The following HMGA2 variants were observed in gnomAD, a reference collection of about 807,000 sequenced individuals.
HMGA2 encodes high mobility group AT-hook 2.
In HMGA2, 8 loss-of-function variants were observed where a neutral mutation model predicts 19.1. The observed-to-expected ratio is 0.42, with a 90% CI of 0.25 to 0.76. The LOEUF is 0.76. Ranked by LOEUF, HMGA2 falls within the 30% of genes least tolerant of loss-of-function variation. The pLI, the probability that HMGA2 is intolerant of heterozygous loss-of-function variation, is 0.28. For missense variants in HMGA2, 109 were observed against 136.3 expected (o/e 0.80, Z 1.00); for synonymous variants, 60 against 48.8 (o/e 1.23, Z -0.96).
chr12:65,842,516 T>G (rs1264481674), intron 3 of HMGA2: 1 of 1,130,140 alleles, frequency 8.8e-7, no homozygotes. Flanking sequence ...AATATATTTA[T>G]GCTGAATATT....
intron 3 of HMGA2, among the ~76,000 whole-genome samples, chr12:65,875,349 T>C (rs1360088107): frequency 6.6e-6 from 1 of 152,154 alleles, no homozygotes; most frequent in East Asian, 1.9e-4. Context: ...TGACAACTGT[T>C]AGTTTATTAT....
intron 3 of HMGA2, among the ~76,000 whole-genome samples, chr12:65,920,726 G>A (rs756167479): frequency 6.6e-6 from 1 of 152,144 alleles, no homozygotes; most frequent in Non-Finnish European, 1.5e-5. Context: ...TGATTCTGGG[G>A]CCTCCCAAGC....
Position 65,964,498 on chromosome 12 carries a change from T to C in HMGA2, c.*1206T>C, listed in dbSNP as rs1180088710. The stretch of plus-strand genomic sequence containing the variant: ...TCGGCTTGAGTTCACCATCTCTTCA[T>C]TCAAACTGCACTTTTAGCCAGAGAT... On this transcript the variant is annotated 3_prime_UTR_variant, in exon 5 of 5. Transcript: ENST00000403681. 5.0e-5 allele frequency: 11 copies of C among 219,248 alleles called. No individual in the cohort carries two copies. In the East Asian group the frequency reaches 7.4e-4, roughly 15 times the overall value. The allele number at this position is 219,248 out of a possible 1,614,324, so 13.6% of individuals were successfully genotyped here.
rs1872434654 is a variant in HMGA2, at chr12:65,866,743, T to C, written c.249+28174T>C. Reference sequence around the variant, plus strand: ...AAATTTAAGAAGGCAGTTATTAATGTGAATAGTCATTCTTCTTTTCAGCAG... The same window carrying C: ...AAATTTAAGAAGGCAGTTATTAATGCGAATAGTCATTCTTCTTTTCAGCAG... On this transcript the variant is annotated intron_variant, in intron 3 of 4. Coordinates refer to ENST00000403681, the MANE Select transcript of HMGA2 (RefSeq NM_003483.6). 4 of 448,874 alleles carry C rather than the reference T, an allele frequency of 8.9e-6. No individual in the cohort carries two copies. In the Middle Eastern group the frequency reaches 9.8e-4, roughly 110 times the overall value. The allele number at this position is 448,874 out of a possible 1,614,324, so 27.8% of individuals were successfully genotyped here. A position where few individuals can be genotyped will look rare whatever the true frequency, so the allele number is the denominator to read the frequency against.
At chr12:65,925,701 A>G (rs1875480381) in intron 3 of HMGA2, among the ~76,000 whole-genome samples, 1 of 152,064 alleles carries the variant, frequency 6.6e-6, no homozygotes, top group African/African-American at 2.4e-5. Context: ...AGCACTATCA[A>G]TTAATCAGGT....
chr12:65,935,435 T>G (rs1875857010), intron 3 of HMGA2, among the ~76,000 whole-genome samples: 1 of 152,212 alleles, frequency 6.6e-6, no homozygotes, highest in Admixed American at 6.5e-5. Flanking sequence ...CAGAAATATC[T>G]GCATAATTGC....
At chr12:65,945,587 G>A (rs1157164145) in intron 3 of HMGA2, among the ~76,000 whole-genome samples, 1 of 152,070 alleles carries the variant, frequency 6.6e-6, no homozygotes, top group Non-Finnish European at 1.5e-5. Flanking sequence ...TGGACAAAGG[G>A]TGAAGAAGGA....
chr12:65,881,224 A>G (rs931354514), intron 3 of HMGA2: 4 of 157,778 alleles, frequency 2.5e-5, no homozygotes, highest in African/African-American at 9.6e-5. Flanking sequence ...AACTCCTCGC[A>G]TCTGTGCCCC....
chr12:65,840,419 C>T (rs1357232221), intron 3 of HMGA2, among the ~76,000 whole-genome samples: 1 of 152,062 alleles, frequency 6.6e-6, no homozygotes, highest in Non-Finnish European at 1.5e-5. Context: ...AAATCTGGTG[C>T]TTTATCAAGA....
At chr12:65,849,360 G>A (rs908989091) in intron 3 of HMGA2, among the ~76,000 whole-genome samples, 1 of 152,148 alleles carries the variant, frequency 6.6e-6, no homozygotes, top group Non-Finnish European at 1.5e-5. Context: ...CTTGAGAGAT[G>A]GACATTCTTG....
chr12:65,909,387 C>T (rs1393123157), intron 3 of HMGA2, among the ~76,000 whole-genome samples: 2 of 151,728 alleles, frequency 1.3e-5, no homozygotes, highest in African/African-American at 4.8e-5. Flanking sequence ...TTTTTAATCT[C>T]TGATTTATTC....
chr12:65,838,984 T>C (rs568722156), intron 3 of HMGA2, among the ~76,000 whole-genome samples: 1 of 137,678 alleles, frequency 7.3e-6, no homozygotes, highest in Admixed American at 7.0e-5. Flanking sequence ...TTCTTTTTCT[T>C]TCTTTTTCTT....
At chr12:65,921,410 G>A (rs1371613553) in intron 3 of HMGA2, among the ~76,000 whole-genome samples, 1 of 152,066 alleles carries the variant, frequency 6.6e-6, no homozygotes, top group Non-Finnish European at 1.5e-5. Context: ...CACCATGCCT[G>A]GCTAATTTTT....
intron 3 of HMGA2, among the ~76,000 whole-genome samples, chr12:65,846,145 A>G (rs1163310902): frequency 1.3e-5 from 2 of 152,246 alleles, no homozygotes; most frequent in South Asian, 2.1e-4. Flanking sequence ...TGCAGCCATG[A>G]CACTGAAATT....
chr12:65,924,961 G>T (rs942651364), intron 3 of HMGA2, among the ~76,000 whole-genome samples: 2 of 152,104 alleles, frequency 1.3e-5, no homozygotes, highest in Non-Finnish European at 2.9e-5. Flanking sequence ...AGAGAAGAGA[G>T]AAACCATATG....
chr12:65,856,450 C>T (rs1246981819), intron 3 of HMGA2: 1 of 152,288 alleles, frequency 6.6e-6, no homozygotes, highest in Non-Finnish European at 1.5e-5. Flanking sequence ...TTCCTGACTT[C>T]TAGTCCATTG....
At chr12:65,932,767 G>A (rs897917171) in intron 3 of HMGA2, among the ~76,000 whole-genome samples, 4 of 152,168 alleles carry the variant, frequency 2.6e-5, no homozygotes, top group Non-Finnish European at 5.9e-5. Flanking sequence ...TCTAGAAATT[G>A]GAGGGAAACT....
At chr12:65,848,398 CTATT>C (rs1294922610) in intron 3 of HMGA2, among the ~76,000 whole-genome samples, 1 of 152,094 alleles carries the variant, frequency 6.6e-6, no homozygotes, top group Non-Finnish European at 1.5e-5. Flanking sequence ...GTCAATTACT[CTATT>C]TGTTTCTTTC....
chr12:65,847,655 C>T (rs991772856), intron 3 of HMGA2, among the ~76,000 whole-genome samples: 1 of 152,100 alleles, frequency 6.6e-6, no homozygotes, highest in African/African-American at 2.4e-5. Context: ...CCCAGTTTCC[C>T]TGTGTGTAAA....
Sources: gnomAD v4.1 joint callset for allele counts (sites outside exome capture counted in the v4.1 genomes callset) on GRCh38, gnomAD v4.1.1 for gene constraint, MANE v1.5 for transcripts, NCBI Gene and HGNC (gene_info 2026-07-23, HGNC 2026-07-21) for gene names.